SLC17A6: variants seen among roughly 807,000 people sequenced by gnomAD.
SLC17A6 encodes the protein vesicular glutamate transporter 2.
In SLC17A6, 35 loss-of-function variants were observed where a neutral mutation model predicts 67.1. That is an observed-to-expected ratio of 0.52 (90% CI 0.40 to 0.69). The LOEUF (loss-of-function observed/expected upper bound fraction) is 0.69. Ranked by LOEUF, SLC17A6 falls within the 30% of genes least tolerant of loss-of-function variation. The pLI, the probability that SLC17A6 is intolerant of heterozygous loss-of-function variation, is 0.00. For missense variants in SLC17A6, 588 were observed against 723.9 expected (o/e 0.81, Z 2.15); for synonymous variants, 285 against 252.3 (o/e 1.13, Z -1.23).
chr11:22,376,635 T>C lies in SLC17A6; in HGVS notation c.1376T>C (p.Val459Ala), dbSNP rs1856235427. ...GGTGTTGGCACATTGTCAGGAATGG[T>C]TTGTCCTATCATTGTTGGTGCAATG... ...SNGVGTLSGMVCPIIVGAMTK... is the reference protein window; with the variant it reads ...SNGVGTLSGMACPIIVGAMTK... Residue 459 changes from valine (V) to alanine (A), a missense_variant, in exon 11 of 12, where the codon GTT (valine) becomes GCT (alanine). This residue lies in a region of SLC17A6 where 414 missense variants were observed against 563.4 expected (regional missense o/e 0.73). Transcript: ENST00000263160. 6.2e-7 allele frequency: 1 copy of C among 1,613,996 alleles called. No individual in the cohort carries two copies.
intron 3 of SLC17A6, among the ~76,000 whole-genome samples, chr11:22,358,269 C>A (rs959663671): frequency 6.6e-6 from 1 of 152,066 alleles, no homozygotes; most frequent in Non-Finnish European, 1.5e-5. Flanking sequence ...ATAAAGTAAC[C>A]GAGCTAAAGG....
At chr11:22,356,696 CA>C (rs1479554327) in intron 3 of SLC17A6, among the ~76,000 whole-genome samples, 1 of 152,116 alleles carries the variant, frequency 6.6e-6, no homozygotes, top group Non-Finnish European at 1.5e-5. Flanking sequence ...ATTAGCCAGG[CA>C]TGTTGGCGTG....
intron 3 of SLC17A6, among the ~76,000 whole-genome samples, chr11:22,346,505 G>C (rs1159401268): frequency 2.0e-5 from 3 of 151,948 alleles, no homozygotes; most frequent in African/African-American, 4.8e-5. Flanking sequence ...TTTTTCCTTT[G>C]TCTTCCCTTA....
intron 2 of SLC17A6, chr11:22,342,948 A>G (rs1327972089): frequency 3.9e-6 from 2 of 509,968 alleles, no homozygotes; most frequent in Non-Finnish European, 7.6e-6. Flanking sequence ...CCGAATTTCC[A>G]AGACGGGGGC....
chr11:22,344,604 T>A (rs965600626), intron 3 of SLC17A6, among the ~76,000 whole-genome samples: 9 of 152,176 alleles, frequency 5.9e-5, no homozygotes, highest in Non-Finnish European at 1.2e-4. Context: ...CGTCTTTACT[T>A]GAAATACGGA....
At chr11:22,370,225 C>T (rs1856160438) in intron 8 of SLC17A6, 37 bp downstream of exon 8, 1 of 1,542,890 alleles carries the variant, frequency 6.5e-7, no homozygotes, top group Non-Finnish European at 8.7e-7. Flanking sequence ...TTGTGGATTA[C>T]CTGTGTATTT....
intron 1 of SLC17A6, 63 bp from the exon 2 acceptor site, chr11:22,341,463 AAT>A (rs1855814518): frequency 6.4e-7 from 1 of 1,566,574 alleles, no homozygotes; most frequent in Non-Finnish European, 8.6e-7. Flanking sequence ...GAAAAATGGG[AAT>A]GGGTCAGCAT....
chr11:22,348,428 TG>T (rs1855902230), intron 3 of SLC17A6, among the ~76,000 whole-genome samples: 2 of 152,328 alleles, frequency 1.3e-5, no homozygotes, highest in South Asian at 4.1e-4. Context: ...CCAAGCTATT[TG>T]GTGACAACAT....
At chr11:22,343,775 G>A (rs1031115303) in intron 3 of SLC17A6, among the ~76,000 whole-genome samples, 3 of 152,182 alleles carry the variant, frequency 2.0e-5, no homozygotes, top group Admixed American at 6.5e-5. Flanking sequence ...GGCTCCCCGA[G>A]GGTCTGACCT....
At chr11:22,365,474 A>T in intron 6 of SLC17A6, 73 bp from the exon 7 acceptor site, 1 of 1,451,136 alleles carries the variant, frequency 6.9e-7, no homozygotes, top group African/African-American at 1.4e-5. Context: ...TTGTCTTGAG[A>T]TGATTGCAGT....
chr11:22,344,595 G>T (rs559196531), intron 3 of SLC17A6, among the ~76,000 whole-genome samples: 1 of 152,106 alleles, frequency 6.6e-6, no homozygotes, highest in African/African-American at 2.4e-5. Context: ...TTCGAGTATC[G>T]TCTTTACTTG....
chr11:22,347,480 A>G (rs987538582), intron 3 of SLC17A6, among the ~76,000 whole-genome samples: 4 of 140,464 alleles, frequency 2.8e-5, no homozygotes, highest in Admixed American at 1.5e-4. Flanking sequence ...GTTATTATTT[A>G]GTATTAATGA....
intron 3 of SLC17A6, among the ~76,000 whole-genome samples, chr11:22,358,184 T>A (rs1354392871): frequency 1.3e-5 from 2 of 152,182 alleles, no homozygotes; most frequent in South Asian, 2.1e-4. Context: ...TTTGGCTTGA[T>A]AAAATTTGCC....
intron 8 of SLC17A6, 116 bp downstream of exon 8, chr11:22,370,304 T>A: frequency 2.5e-6 from 2 of 813,026 alleles, no homozygotes; most frequent in Non-Finnish European, 1.9e-6. Context: ...ATTTATTCAT[T>A]AAACAAATAA....
At position 22,378,592 on chromosome 11, in the gene SLC17A6, T is replaced by C. The variant is rs1194277225; in HGVS notation, c.*852T>C. The C allele has an allele frequency of 2.0e-5, 3 of 152,502 alleles. No homozygotes were observed. Among genetic ancestry groups the C allele is most frequent in the African/African-American group, 7.2e-5 (3 of 41,450 alleles). 9.4% of individuals were successfully genotyped at this position (152,502 alleles called of 1,614,324 possible). ...AGAGATATATACACCACAAAGAATC[T>C]AATAAGAAATTTATTATGGAGATAT... On this transcript the variant is annotated 3_prime_UTR_variant, in exon 12 of 12. Transcript: ENST00000263160.
At chr11:22,348,225 T>C (rs1018724994) in intron 3 of SLC17A6, among the ~76,000 whole-genome samples, 2 of 152,060 alleles carry the variant, frequency 1.3e-5, no homozygotes, top group African/African-American at 2.4e-5. Flanking sequence ...ATATGCTTCA[T>C]TGCAAAGTTT....
At chr11:22,358,378 G>T (rs1217416487) in intron 3 of SLC17A6, among the ~76,000 whole-genome samples, 1 of 152,128 alleles carries the variant, frequency 6.6e-6, no homozygotes, top group Non-Finnish European at 1.5e-5. Context: ...GCCCGCCCAG[G>T]ATGCAATGGT....
Position 22,341,769 on chromosome 11 carries a change from G to T in SLC17A6, c.328G>T (p.Val110Phe), listed in dbSNP as rs142856546. Reference protein sequence around the residue: ...NNSTIHRGGKVIKEKAKFNWD... With the variant: ...NNSTIHRGGKFIKEKAKFNWD... ...CAGCACCATCCACCGCGGGGGCAAG[G>T]TCATCAAGGAGGTGGGCAACGTCTG... The change falls in exon 2 of 12, where the codon GTC (valine) becomes TTC (phenylalanine). Residue 110 changes from valine (V) to phenylalanine (F), a missense_variant. Coordinates refer to ENST00000263160, the MANE Select transcript of SLC17A6 (RefSeq NM_020346.3). 3.0e-5 allele frequency: 48 copies of T among 1,613,900 alleles called. No homozygotes were observed. Among genetic ancestry groups the T allele is most frequent in the Non-Finnish European group, 3.8e-5 (45 of 1,179,930 alleles).
chr11:22,363,047 G>A (rs1019987570), intron 6 of SLC17A6, among the ~76,000 whole-genome samples: 18 of 152,078 alleles, frequency 1.2e-4, no homozygotes, highest in Non-Finnish European at 1.8e-4. Flanking sequence ...CAACCACATT[G>A]CTGACAGGAA....
Sources: gnomAD v4.1 joint callset for allele counts (sites outside exome capture counted in the v4.1 genomes callset) on GRCh38, gnomAD v4.1.1 for gene constraint, gnomAD v4.1.1 regional missense constraint, MANE v1.5 for transcripts, NCBI Gene and HGNC (gene_info 2026-07-23, HGNC 2026-07-21) for gene names.